NDUFS2: variants seen among roughly 807,000 people sequenced by gnomAD.
NDUFS2 encodes NADH:ubiquinone oxidoreductase core subunit S2.
Under a neutral mutation model 69.6 loss-of-function variants are expected in NDUFS2, and 38 were observed. That is an observed-to-expected ratio of 0.55 (90% CI 0.42 to 0.72). NDUFS2 has a LOEUF of 0.72. Among genes scored for constraint, NDUFS2 ranks in the 30% least tolerant of loss-of-function variants. The pLI is 0.00. For synonymous variants in NDUFS2, 194 were observed against 211.2 expected (o/e 0.92, Z 0.70); for missense variants, 468 against 595.0 (o/e 0.79, Z 2.22).
chr1:161,214,289 G>A lies in NDUFS2; in HGVS notation c.*96G>A. On this transcript the variant is annotated 3_prime_UTR_variant, in exon 14 of 14. Transcript: ENST00000676972. ...GGCCTCTGTGTGTGTGTGTGTGTGT[G>A]TGTGTGTGTGTATGTTCATGTACAC... 1 of 1,128,014 alleles carries A rather than the reference G, an allele frequency of 8.9e-7. No individual in the cohort carries two copies. Among genetic ancestry groups the A allele is most frequent in the South Asian group, 1.3e-5 (1 of 78,818 alleles). The allele number at this position is 1,128,014 out of a possible 1,614,324, so 69.9% of individuals were successfully genotyped here.
intron 2 of NDUFS2, among the ~76,000 whole-genome samples, chr1:161,205,012 T>C (rs566488746): frequency 3.9e-4 from 59 of 151,478 alleles, no homozygotes; most frequent in Non-Finnish European, 6.6e-4. Context: ...GATCACGCCA[T>C]TGCACTCCAG....
At chr1:161,211,950 C>T (rs1324656997) in intron 9 of NDUFS2, among the ~76,000 whole-genome samples, 2 of 152,062 alleles carry the variant, frequency 1.3e-5, no homozygotes, top group Non-Finnish European at 2.9e-5. Context: ...GTTGGTGGCT[C>T]ATGCCTATAA....
At chr1:161,208,731 T>C (rs1176626809) in intron 3 of NDUFS2, among the ~76,000 whole-genome samples, 1 of 152,246 alleles carries the variant, frequency 6.6e-6, no homozygotes, top group East Asian at 1.9e-4. Flanking sequence ...TATAAGCTTA[T>C]GATTTAATAC....
rs863224105 is a variant in NDUFS2 at position 161,213,661 on chromosome 1, G to A, written c.1225G>A (p.Val409Met). 6.2e-7 allele frequency: 1 copy of A among 1,614,182 alleles called. No individual in the cohort carries two copies. The highest frequency in any genetic ancestry group is 1.3e-5 in the African/African-American group (1 of 75,046). The change falls in exon 12 of 14, where the codon GTG (valine) becomes ATG (methionine). Residue 409 changes from valine (V) to methionine (M), a missense_variant. By Grantham distance (21) the Val-to-Met change is conservative. Coordinates refer to ENST00000676972, the MANE Select transcript of NDUFS2 (RefSeq NM_001377299.1). ...AIEAPKGEFG[V>M]YLVSDGSSRP... ...CTTCCTTGAACAGGGAGAGTTTGGG[G>A]TGTACCTGGTGTCTGATGGCAGCAG...
At chr1:161,198,162 G>T (rs546291574), upstream of NDUFS2, 1 of 1,614,010 alleles carries the variant, frequency 6.2e-7, no homozygotes, top group African/African-American at 1.3e-5. The surrounding 1 kb of genome is among the most constrained non-coding windows in gnomAD (Gnocchi z 4.7). Flanking sequence ...TCAGCCCCCC[G>T]ATATTGTAAC....
chr1:161,198,866 C>T (rs1386333916), upstream of NDUFS2: 8 of 459,314 alleles, frequency 1.7e-5, no homozygotes, highest in Admixed American at 1.5e-4. This position sits in a 1 kb window ranked among gnomAD's most constrained non-coding sequence, Gnocchi z 4.7. Flanking sequence ...CCCTCCTTTC[C>T]TGGATCTTTG....
chr1:161,209,606 G>C lies in NDUFS2; in HGVS notation c.627+11G>C, dbSNP rs1249063485. The C allele has an allele frequency of 1.9e-6, 3 of 1,598,888 alleles. No individual in the cohort carries two copies. The highest frequency in any genetic ancestry group is 2.7e-5 in the African/African-American group (2 of 74,632). ...GAAGAAAGGGAGAAGGTAAGAGTGG[G>C]AGGAAAGGATAGGAATAGGGAAGGA... On this transcript the variant is annotated intron_variant, in intron 5 of 13. Coordinates refer to ENST00000676972, the MANE Select transcript of NDUFS2 (RefSeq NM_001377299.1).
At position 161,209,192 on chromosome 1, in the gene NDUFS2, G is replaced by A; in HGVS notation, c.394-1G>A. 6.2e-7 allele frequency: 1 copy of A among 1,614,140 alleles called. No homozygotes were observed. The highest frequency in any genetic ancestry group is 8.5e-7 in the Non-Finnish European group (1 of 1,180,026). Reference sequence around the variant, plus strand: ...TGACCCACATTCCTCCCTCTTCCCAGGCCCTTCCATACTTTGACCGGCTAG... The same window carrying A: ...TGACCCACATTCCTCCCTCTTCCCAAGCCCTTCCATACTTTGACCGGCTAG... On this transcript the variant is annotated splice_acceptor_variant, in intron 3 of 13. Transcript: ENST00000676972. LOFTEE classifies it high-confidence loss of function.
At chr1:161,209,815 G>C (rs1462466074) in intron 5 of NDUFS2, 42 bp from the exon 6 acceptor site, 3 of 1,601,208 alleles carry the variant, frequency 1.9e-6, no homozygotes, top group East Asian at 4.5e-5. Context: ...AGGACCTGGG[G>C]GCCTGGGACT....
chr1:161,210,134 T>C lies in NDUFS2; in HGVS notation c.726T>C (p.Asp242=), dbSNP rs368514235. The C allele has an allele frequency of 3.1e-6, 5 of 1,614,170 alleles. No homozygotes were observed. Among genetic ancestry groups the C allele is most frequent in the Non-Finnish European group, 4.2e-6 (5 of 1,180,032 alleles). ...VHQDLPLGLM[D]DIYQFSKNFS... ...AGGACCTACCCCTTGGGCTTATGGA[T>C]GACATTTATCAGTTTTCTAAGAACT... The change falls in exon 7 of 14, where the codon GAT becomes GAC. Residue 242 remains aspartate (D), a synonymous_variant. Coordinates refer to ENST00000676972, the MANE Select transcript of NDUFS2 (RefSeq NM_001377299.1).
chr1:161,212,509 G>T, intron 10 of NDUFS2, 29 bp downstream of exon 10: 2 of 1,608,302 alleles, frequency 1.2e-6, no homozygotes, highest in Non-Finnish European at 1.7e-6. Context: ...GAAAGTGTGG[G>T]GTGTTGGAAA....
chr1:161,211,867 A>C (rs1431391228), intron 9 of NDUFS2, among the ~76,000 whole-genome samples: 2 of 152,186 alleles, frequency 1.3e-5, no homozygotes, highest in Non-Finnish European at 2.9e-5. Context: ...ACTACAGGCC[A>C]TGTTCTGAGA....
upstream of NDUFS2, among the ~76,000 whole-genome samples, chr1:161,200,155 A>G (rs1665052455): frequency 6.6e-6 from 1 of 151,918 alleles, no homozygotes; most frequent in Non-Finnish European, 1.5e-5. Context: ...TTTCTTTTTA[A>G]TTCTCCCTGG....
At chr1:161,201,030 C>T (rs1364663158), upstream of NDUFS2, among the ~76,000 whole-genome samples, 25 of 152,214 alleles carry the variant, frequency 1.6e-4, no homozygotes, top group Admixed American at 1.6e-3. Context: ...AAATGCAGTC[C>T]TTCCCATCCC....
At position 161,212,338 on chromosome 1, in the gene NDUFS2, T is replaced by C; in HGVS notation, c.987-13T>C. ...CTGACTGTTCTTCTCTTGCTCTGTC[T>C]CATCTTCTTGAGGTACCTGTGCCGG... On this transcript the variant is annotated splice_polypyrimidine_tract_variant and intron_variant, in intron 9 of 13. Transcript: ENST00000676972. 1 of 1,613,226 alleles carries C rather than the reference T, an allele frequency of 6.2e-7. No individual in the cohort carries two copies. Among genetic ancestry groups the C allele is most frequent in the Non-Finnish European group, 8.5e-7 (1 of 1,179,402 alleles).
At chr1:161,204,391 T>C (rs968302372) in intron 2 of NDUFS2, among the ~76,000 whole-genome samples, 1 of 152,238 alleles carries the variant, frequency 6.6e-6, no homozygotes, top group Non-Finnish European at 1.5e-5. Flanking sequence ...GTAGATACTT[T>C]CGTAATGTCT....
At chr1:161,210,436 G>A in intron 8 of NDUFS2, 47 bp downstream of exon 8, 1 of 1,601,294 alleles carries the variant, frequency 6.2e-7, no homozygotes, top group Non-Finnish European at 8.6e-7. Flanking sequence ...GTGGGAGTGG[G>A]GGAGTTCCAG....
At chr1:161,212,217 C>CA in intron 9 of NDUFS2, 134 bp from the exon 10 acceptor site, 1 of 1,153,462 alleles carries the variant, frequency 8.7e-7, no homozygotes, top group South Asian at 1.3e-5. Flanking sequence ...CCAAGCCAAG[C>CA]AGAGATGCTG....
At chr1:161,198,399 C>G (rs34448954), upstream of NDUFS2, 1 of 1,608,298 alleles carries the variant, frequency 6.2e-7, no homozygotes, top group Admixed American at 1.7e-5. The surrounding 1 kb of genome is among the most constrained non-coding windows in gnomAD (Gnocchi z 4.7). Context: ...CTGGCAGGGG[C>G]GCCCGAGCCA....
Sources: gnomAD v4.1 joint callset for allele counts (sites outside exome capture counted in the v4.1 genomes callset) on GRCh38, gnomAD v4.1.1 for gene constraint, Gnocchi (gnomAD v3.1) non-coding constraint, MANE v1.5 for transcripts, NCBI Gene and HGNC (gene_info 2026-07-23, HGNC 2026-07-21) for gene names.